The following PDXP variants were observed in gnomAD, a reference collection of about 807,000 sequenced individuals.
PDXP encodes the protein pyridoxal phosphatase.
PDXP carries 15 observed loss-of-function variants against 14.4 expected under a neutral mutation model. That is an observed-to-expected ratio of 1.04 (90% CI 0.70 to 1.60). The LOEUF (loss-of-function observed/expected upper bound fraction) is 1.60, where lower values mean the gene tolerates loss of function less well. Ranked by LOEUF, PDXP falls within the 40% of genes most tolerant of loss-of-function variation. The pLI is 0.00. For missense variants in PDXP, 413 were observed against 427.6 expected, an observed-to-expected ratio of 0.97 and a Z score of 0.30; for synonymous variants, 233 against 205.6, an observed-to-expected ratio of 1.13 and a Z score of -1.14.
Position 37,665,596 on chromosome 22 carries a change from C to A in PDXP, c.616C>A (p.Arg206Ser). 1 of 1,612,536 alleles carries A rather than the reference C, an allele frequency of 6.2e-7. No individual in the cohort carries two copies. The highest frequency in any genetic ancestry group is 8.5e-7 in the Non-Finnish European group (1 of 1,179,788). ...LAAAVETASG[R>S]QALVVGKPSP... ...CGCTGCAGTGGAGACAGCCTCGGGA[C>A]GCCAGGCCCTGGTGGTGGGCAAGCC... The change falls in exon 2 of 2, where the codon CGC becomes AGC. Residue 206 changes from arginine to serine, a missense_variant. Arg to Ser is a moderately radical substitution (Grantham distance 110). Coordinates refer to ENST00000215904, the MANE Select transcript of PDXP (RefSeq NM_020315.5).
rs1464200284 is a variant in PDXP, at chr22:37,666,443, CGAT to C, written c.*575_*577del. On this transcript the variant is annotated 3_prime_UTR_variant, in exon 2 of 2. Coordinates refer to ENST00000215904, the MANE Select transcript of PDXP (RefSeq NM_020315.5). ...GTGGACCAATCGGAAGCCTAAGTGA[CGAT>C]GACCCTCGCATGTCCTAGGTCCCTG... is the stretch of plus-strand genomic sequence containing the variant. The C allele has an allele frequency of 1.1e-5, 2 of 175,812 alleles. No homozygotes were observed. The highest frequency in any genetic ancestry group is 1.8e-4 in the East Asian group (1 of 5,504). 10.9% of individuals were successfully genotyped at this position (175,812 alleles called of 1,614,324 possible). A position where few individuals can be genotyped will look rare whatever the true frequency, so the allele number is the denominator to read the frequency against.
chr22:37,664,240 T>C (rs1187839252), intron 1 of PDXP, among the ~76,000 whole-genome samples: 1 of 103,018 alleles, frequency 9.7e-6, no homozygotes, highest in Non-Finnish European at 1.8e-5. Context: ...CAGCTTTTCT[T>C]TTTTTTTTTA....
In PDXP at chr22:37,665,584, A is replaced by G; in HGVS notation, c.604A>G (p.Thr202Ala). Residue 202 changes from threonine (T) to alanine (A), a missense_variant, in exon 2 of 2, where the codon ACA becomes GCA. Physicochemically the swap from Thr to Ala is moderately conservative, Grantham distance 58. Coordinates refer to ENST00000215904, the MANE Select transcript of PDXP (RefSeq NM_020315.5). Reference protein sequence around the residue: ...GTGSLAAAVETASGRQALVVG... With the variant: ...GTGSLAAAVEAASGRQALVVG... ...CGGGAGCCTGGCCGCTGCAGTGGAG[A>G]CAGCCTCGGGACGCCAGGCCCTGGT... 1 of 1,611,508 alleles carries G rather than the reference A, an allele frequency of 6.2e-7. No individual in the cohort carries two copies. The highest frequency in any genetic ancestry group is 8.5e-7 in the Non-Finnish European group (1 of 1,179,622).
Position 37,658,782 on chromosome 22 carries a change from C to T in PDXP, c.-1C>T. On this transcript the variant is annotated 5_prime_UTR_variant, in exon 1 of 2. Transcript: ENST00000215904. ...CGGGAGGCCGGCGGCCGGCCGGCTG[C>T]ATGGCGCGCTGCGAGAGGCTGCGCG... 8.5e-7 allele frequency: 1 copy of T among 1,170,374 alleles called. No individual in the cohort carries two copies. The highest frequency in any genetic ancestry group is 1.1e-6 in the Non-Finnish European group (1 of 948,450). 72.5% of individuals were successfully genotyped at this position (1,170,374 alleles called of 1,614,324 possible).
chr22:37,663,038 C>T (rs1288923584), intron 1 of PDXP, among the ~76,000 whole-genome samples: 1 of 149,082 alleles, frequency 6.7e-6, no homozygotes, highest in South Asian at 2.1e-4. Context: ...CAGTGGCTCA[C>T]ACCTGTAATC....
intron 1 of PDXP, among the ~76,000 whole-genome samples, chr22:37,660,289 A>T (rs1301756284): frequency 1.3e-5 from 2 of 152,178 alleles, no homozygotes; most frequent in Non-Finnish European, 1.5e-5. Flanking sequence ...GTCCCCACAC[A>T]CCTGCCTCCA....
Position 37,660,624 on chromosome 22 carries a change from G to A in PDXP, c.574+1268G>A, listed in dbSNP as rs147781177. Among the ~76,000 whole-genome samples the A allele has an allele frequency of 6.5e-3, 992 of 152,302 alleles. 10 individuals carry two copies. The highest frequency in any genetic ancestry group is 0.01 in the Non-Finnish European group (695 of 68,026). Reference sequence around the variant, plus strand: ...GGCAGTGGTCAGTGTGTGTGGACAGGTTAATAGCCCAGTCAGTATACTGGG... The same window carrying A: ...GGCAGTGGTCAGTGTGTGTGGACAGATTAATAGCCCAGTCAGTATACTGGG... On this transcript the variant is annotated intron_variant, in intron 1 of 1. Coordinates refer to ENST00000215904, the MANE Select transcript of PDXP (RefSeq NM_020315.5).
chr22:37,666,008 G>C lies in PDXP; in HGVS notation c.*137G>C. On this transcript the variant is annotated 3_prime_UTR_variant, in exon 2 of 2. Transcript: ENST00000215904. ...GCACCGGGGTGGGGCTGGGACCCGG[G>C]GAAGGTTTGAGGGCCCTTGCAACCC... The C allele has an allele frequency of 1.0e-6, 1 of 963,332 alleles. No homozygotes were observed. Among genetic ancestry groups the C allele is most frequent in the Non-Finnish European group, 1.5e-6 (1 of 649,820 alleles). The allele number at this position is 963,332 out of a possible 1,614,324, so 59.7% of individuals were successfully genotyped here. A position where few individuals can be genotyped will look rare whatever the true frequency, so the allele number is the denominator to read the frequency against.
intron 1 of PDXP, among the ~76,000 whole-genome samples, chr22:37,662,114 A>G (rs1022429897): frequency 6.6e-6 from 1 of 150,894 alleles, no homozygotes; most frequent in African/African-American, 2.4e-5. Flanking sequence ...GCTAATTTTT[A>G]TTCTCTACCA....
intron 1 of PDXP, among the ~76,000 whole-genome samples, chr22:37,660,948 G>A (rs545254786): frequency 4.6e-5 from 7 of 152,256 alleles, no homozygotes; most frequent in Admixed American, 2.6e-4. Flanking sequence ...GTATGTGGGC[G>A]GGCTCACCTC....
chr22:37,660,936 TG>T (rs1164393105), intron 1 of PDXP, among the ~76,000 whole-genome samples: 1 of 152,084 alleles, frequency 6.6e-6, no homozygotes, highest in East Asian at 1.9e-4. Context: ...CACACCTGCT[TG>T]GTATGTGGGC....
At position 37,665,899 on chromosome 22, in the gene PDXP, AC is replaced by A; in HGVS notation, c.*32del. 6.3e-7 allele frequency: 1 copy of A among 1,587,394 alleles called. No individual in the cohort carries two copies. Among genetic ancestry groups the A allele is most frequent in the Non-Finnish European group, 8.6e-7 (1 of 1,160,880 alleles). On this transcript the variant is annotated 3_prime_UTR_variant, in exon 2 of 2. Coordinates refer to ENST00000215904, the MANE Select transcript of PDXP (RefSeq NM_020315.5). ...CCACTGCACCTGCAGCCACAGGCCC[AC>A]CCCTCCCCACTCCCTGATCCCGTAG...
chr22:37,665,796 G>A lies in PDXP; in HGVS notation c.816G>A (p.Ala272=), dbSNP rs775396920. 63 of 1,613,898 alleles carry A rather than the reference G, an allele frequency of 3.9e-5. No individual in the cohort carries two copies. The highest frequency in any genetic ancestry group is 1.3e-4 in the East Asian group (6 of 44,896). The change falls in exon 2 of 2, where the codon GCG becomes GCA. Residue 272 remains alanine, a synonymous_variant. Transcript: ENST00000215904. ...TAGAAGAGGCCCAGGCCTACCTAGC[G>A]GCCGGCCAGCACGACCTCGTGCCCC... ...SRLEEAQAYL[A]AGQHDLVPHY...
chr22:37,663,975 T>C (rs1387294914), intron 1 of PDXP, among the ~76,000 whole-genome samples: 9 of 138,032 alleles, frequency 6.5e-5, no homozygotes, highest in Admixed American at 5.2e-4. Context: ...GCGCCCAGAC[T>C]GGAATGCTGC....
At chr22:37,664,634 T>C (rs975028369) in intron 1 of PDXP, among the ~76,000 whole-genome samples, 10 of 152,344 alleles carry the variant, frequency 6.6e-5, no homozygotes, top group East Asian at 5.8e-4. Context: ...GTTTAGAATG[T>C]GCTTAGTAAA....
intron 1 of PDXP, among the ~76,000 whole-genome samples, chr22:37,662,240 G>A (rs920442131): frequency 6.6e-6 from 1 of 152,170 alleles, no homozygotes; most frequent in African/African-American, 2.4e-5. Context: ...GATCTTGTGA[G>A]CCTGGGAAGT....
At chr22:37,659,828 G>A (rs1471952619) in intron 1 of PDXP, among the ~76,000 whole-genome samples, 1 of 152,220 alleles carries the variant, frequency 6.6e-6, no homozygotes, top group Non-Finnish European at 1.5e-5. Context: ...CTGCCTGGGT[G>A]AGAAATGGCA....
At position 37,665,748 on chromosome 22, in the gene PDXP, C is replaced by G; in HGVS notation, c.768C>G (p.Leu256=). ...FGHRCGMTTV[L]TLTGVSRLEE... is the part of the protein sequence containing the mutation. ...ACCGCTGCGGCATGACCACTGTGCT[C>G]ACGCTCACAGGAGTCTCCCGCCTAG... is the stretch of plus-strand genomic sequence containing the variant. Residue 256 remains leucine, a synonymous_variant, in exon 2 of 2, where the codon CTC becomes CTG. Transcript: ENST00000215904. The G allele has an allele frequency of 1.9e-6, 3 of 1,614,088 alleles. No individual in the cohort carries two copies. The South Asian group carries it at 3.3e-5, about 18-fold the overall frequency.
In PDXP at chr22:37,666,641, C is replaced by T. The variant is rs762976337; in HGVS notation, c.*770C>T. On this transcript the variant is annotated 3_prime_UTR_variant, in exon 2 of 2. Coordinates refer to ENST00000215904, the MANE Select transcript of PDXP (RefSeq NM_020315.5). Reference sequence around the variant, plus strand: ...ATAAGAGTGGTCCACGTCCTAAAGACACCTCTCCTTTACAAAGACTTGTGA... The same window carrying T: ...ATAAGAGTGGTCCACGTCCTAAAGATACCTCTCCTTTACAAAGACTTGTGA... 1 of 167,144 alleles carries T rather than the reference C, an allele frequency of 6.0e-6. No individual in the cohort carries two copies. The highest frequency in any genetic ancestry group is 1.5e-5 in the Non-Finnish European group (1 of 68,162). 10.4% of individuals were successfully genotyped at this position (167,144 alleles called of 1,614,324 possible).
Sources: gnomAD v4.1 joint callset for allele counts (sites outside exome capture counted in the v4.1 genomes callset) on GRCh38, gnomAD v4.1.1 for gene constraint, MANE v1.5 for transcripts, NCBI Gene and HGNC (gene_info 2026-07-23, HGNC 2026-07-21) for gene names.